Variants in AREL1 observed in about 807,000 individuals in gnomAD.
AREL1 encodes apoptosis resistant E3 ubiquitin protein ligase 1.
Under a neutral mutation model 99.0 loss-of-function variants are expected in AREL1, and 62 were observed. The ratio of observed to expected loss-of-function variants is 0.63; its 90% CI spans 0.51 to 0.77. AREL1 has a LOEUF of 0.77. AREL1 is among the 30% of genes least tolerant of loss of function. The pLI, the probability that AREL1 is intolerant of heterozygous loss-of-function variation, is 0.00. For missense variants in AREL1, 879 were observed against 1,027.6 expected (o/e 0.86, Z 1.98); for synonymous variants, 380 against 376.5 (o/e 1.01, Z -0.11).
At chr14:74,664,787 T>C in intron 18 of AREL1, 49 bp downstream of exon 18, 2 of 1,562,868 alleles carry the variant, frequency 1.3e-6, no homozygotes, top group East Asian at 2.3e-5. Context: ...TGAAACTTTT[T>C]CCTTATAACA....
intron 1 of AREL1, among the ~76,000 whole-genome samples, chr14:74,696,931 T>C (rs1056896502): frequency 6.6e-6 from 1 of 152,102 alleles, no homozygotes; most frequent in Non-Finnish European, 1.5e-5. Context: ...GCCACTGCAC[T>C]CCATCCTGGG....
In AREL1 at chr14:74,670,818, G is replaced by C. The variant is rs1377779365; in HGVS notation, c.1552C>G (p.Leu518Val). 3.8e-5 allele frequency: 62 copies of C among 1,614,160 alleles called. No homozygotes were observed. The highest frequency in any genetic ancestry group is 5.2e-5 in the Non-Finnish European group (61 of 1,180,008). Residue 518 changes from leucine to valine, a missense_variant, in exon 13 of 20, where the codon CTA becomes GTA. Transcript: ENST00000356357. ...REWFELICKA[L>V]FDTTNQLFTR... ...AAGAGCTGATTGGTGGTATCAAATA[G>C]TGCTTTGCAGATTAGCTCAAACCAT...
chr14:74,686,214 C>T (rs2089744956), intron 2 of AREL1, among the ~76,000 whole-genome samples: 1 of 152,030 alleles, frequency 6.6e-6, no homozygotes, highest in African/African-American at 2.4e-5. Context: ...GTCATTTATG[C>T]TGTTACCAAT....
chr14:74,674,464 C>T (rs1453969072), intron 8 of AREL1, among the ~76,000 whole-genome samples: 3 of 151,942 alleles, frequency 2.0e-5, no homozygotes, highest in African/African-American at 7.3e-5. Flanking sequence ...TAGCTGGGTG[C>T]GGTAGCTCAT....
rs1189941652 is a variant in AREL1 at position 74,713,076 on chromosome 14, G to T, written c.-477C>A. On this transcript the variant is annotated 5_prime_UTR_variant, in exon 1 of 20. Transcript: ENST00000356357. ...CACCCGGCCTGGGAACCGGCTCGGG[G>T]GATTGCCCTTTCCCCAAGGAGTTTC... is the stretch of plus-strand genomic sequence containing the variant. 1 of 1,588,074 alleles carries T rather than the reference G, an allele frequency of 6.3e-7. No individual in the cohort carries two copies. The highest frequency in any genetic ancestry group is 8.6e-7 in the Non-Finnish European group (1 of 1,156,588).
chr14:74,674,024 T>C lies in AREL1; in HGVS notation c.1158+10A>G. 6.2e-7 allele frequency: 1 copy of C among 1,603,542 alleles called. No homozygotes were observed. The highest frequency in any genetic ancestry group is 1.1e-5 in the South Asian group (1 of 90,760). On this transcript the variant is annotated intron_variant, in intron 9 of 19. Coordinates refer to ENST00000356357, the MANE Select transcript of AREL1 (RefSeq NM_001039479.2). ...TGCTTGATGTGAACCAGATGTAAGG[T>C]TCAGCTTACTTTTGTTCCTGGACAC...
At chr14:74,669,059 C>A (rs756182276) in intron 15 of AREL1, among the ~76,000 whole-genome samples, 3 of 152,132 alleles carry the variant, frequency 2.0e-5, no homozygotes, top group Non-Finnish European at 4.4e-5. Flanking sequence ...CCATACCCAG[C>A]TAGATTTTTA....
chr14:74,674,210 A>C, intron 8 of AREL1, 99 bp from the exon 9 acceptor site: 4 of 985,020 alleles, frequency 4.1e-6, no homozygotes, highest in Non-Finnish European at 6.2e-6. Flanking sequence ...TACATTTCTC[A>C]TAACCTTTCC....
chr14:74,685,769 C>A, intron 2 of AREL1, 109 bp from the exon 3 acceptor site: 1 of 863,666 alleles, frequency 1.2e-6, no homozygotes, highest in South Asian at 1.6e-5. Context: ...CTCTCTAGTC[C>A]AGAGCCTTAC....
At chr14:74,689,026 T>C (rs1431299799) in intron 2 of AREL1, among the ~76,000 whole-genome samples, 1 of 151,270 alleles carries the variant, frequency 6.6e-6, no homozygotes, top group African/African-American at 2.4e-5. Context: ...TTTTTTTTTT[T>C]TAGTAGAGAC....
intron 2 of AREL1, among the ~76,000 whole-genome samples, chr14:74,687,103 G>A (rs2089765087): frequency 6.6e-6 from 1 of 152,182 alleles, no homozygotes; most frequent in Non-Finnish European, 1.5e-5. Flanking sequence ...ACTGCCTTAG[G>A]TACTTCCTCA....
chr14:74,670,502 TATA>T (rs1162912786), intron 13 of AREL1: 5 of 410,404 alleles, frequency 1.2e-5, no homozygotes, highest in African/African-American at 4.0e-5. Context: ...GCTTAATTAT[TATA>T]ATAATTAGTA....
chr14:74,706,916 A>C (rs1446252263), intron 1 of AREL1, among the ~76,000 whole-genome samples: 1 of 152,210 alleles, frequency 6.6e-6, no homozygotes, highest in African/African-American at 2.4e-5. Context: ...TAGAGTTAAC[A>C]ATGCTTTGGG....
At chr14:74,665,345 T>C (rs1478158416) in intron 17 of AREL1, among the ~76,000 whole-genome samples, 1 of 151,014 alleles carries the variant, frequency 6.6e-6, no homozygotes, top group Non-Finnish European at 1.5e-5. Context: ...CCTTGCATGC[T>C]CAAGTGATTC....
At chr14:74,682,021 TAA>T (rs931262592) in intron 5 of AREL1, among the ~76,000 whole-genome samples, 1 of 152,170 alleles carries the variant, frequency 6.6e-6, no homozygotes, top group African/African-American at 2.4e-5. Context: ...TATCAAAAAA[TAA>T]AAAGTTTAAT....
rs989378053 is a variant in AREL1, at chr14:74,663,476, C to T, written c.*244G>A. ...AAATAAATGATAGCAGCATGGTCCT[C>T]TTCTCATGACAGAATGAAGAGCTCA... On this transcript the variant is annotated 3_prime_UTR_variant, in exon 20 of 20. Coordinates refer to ENST00000356357, the MANE Select transcript of AREL1 (RefSeq NM_001039479.2). 1 of 527,286 alleles carries T rather than the reference C, an allele frequency of 1.9e-6. No homozygotes were observed. The highest frequency in any genetic ancestry group is 1.9e-5 in the African/African-American group (1 of 52,270). 32.7% of individuals were successfully genotyped at this position (527,286 alleles called of 1,614,324 possible). A position where few individuals can be genotyped will look rare whatever the true frequency, so the allele number is the denominator to read the frequency against.
Position 74,667,561 on chromosome 14 carries a change from G to A in AREL1, c.1948C>T (p.Pro650Ser), listed in dbSNP as rs1463445963. ...VELMTGGAQTPVTNANKIFYL... is the reference protein window; with the variant it reads ...VELMTGGAQTSVTNANKIFYL... The stretch of plus-strand genomic sequence containing the variant: ...AAGATTTTATTCGCATTGGTGACTG[G>A]AGTTTGAGCTCCACCTGTCATGAGT... Residue 650 changes from proline (P) to serine (S), a missense_variant, in exon 16 of 20, where the codon CCA (proline) becomes TCA (serine). Coordinates refer to ENST00000356357, the MANE Select transcript of AREL1 (RefSeq NM_001039479.2). The A allele has an allele frequency of 1.2e-6, 2 of 1,613,650 alleles. No homozygotes were observed. Among genetic ancestry groups the A allele is most frequent in the South Asian group, 1.1e-5 (1 of 90,966 alleles).
chr14:74,695,104 T>C (rs1381994167), intron 1 of AREL1, among the ~76,000 whole-genome samples: 1 of 149,442 alleles, frequency 6.7e-6, no homozygotes, highest in Admixed American at 6.7e-5. Flanking sequence ...TAGAGTCTTG[T>C]TCTGTTGCCC....
intron 3 of AREL1, among the ~76,000 whole-genome samples, chr14:74,685,146 AG>A (rs1222303484): frequency 6.6e-6 from 1 of 152,212 alleles, no homozygotes; most frequent in Non-Finnish European, 1.5e-5. Flanking sequence ...AGCAGTCAAA[AG>A]GATGTGCCTT....
Sources: allele counts gnomAD v4.1 joint callset (sites outside exome capture counted in the v4.1 genomes callset), GRCh38; gene constraint gnomAD v4.1.1; transcripts MANE v1.5; gene names NCBI Gene and HGNC (gene_info 2026-07-23, HGNC 2026-07-21).